Variants in RIC3 observed in about 807,000 individuals in gnomAD.
RIC3 encodes the protein protein RIC-3.
In RIC3, 28 loss-of-function variants were observed where a neutral mutation model predicts 27.3. The observed-to-expected ratio is 1.02, with a 90% CI of 0.76 to 1.41. The LOEUF (loss-of-function observed/expected upper bound fraction) is 1.41. Ranked by LOEUF, RIC3 falls within the 40% of genes most tolerant of loss-of-function variation. RIC3 has a pLI of 0.00. For missense variants in RIC3, 501 were observed against 444.7 expected, an observed-to-expected ratio of 1.13 and a Z score of -1.14; for synonymous variants, 184 against 160.4, an observed-to-expected ratio of 1.15 and a Z score of -1.11.
chr11:8,160,286 C>G (rs910595554), intron 1 of RIC3, among the ~76,000 whole-genome samples: 1 of 152,108 alleles, frequency 6.6e-6, no homozygotes, highest in African/African-American at 2.4e-5. Flanking sequence ...CAAGACTGAC[C>G]ATGTATTGAT....
At chr11:8,113,747 T>C (rs1198952570) in intron 5 of RIC3, among the ~76,000 whole-genome samples, 1 of 152,124 alleles carries the variant, frequency 6.6e-6, no homozygotes, top group Non-Finnish European at 1.5e-5. Context: ...ACCTAGGTTC[T>C]AGGCTGAGGC....
At position 8,168,998 on chromosome 11, in the gene RIC3, A is replaced by G. The variant is rs921020778; in HGVS notation, c.-9T>C. On this transcript the variant is annotated 5_prime_UTR_variant, in exon 1 of 6. Coordinates refer to ENST00000309737, the MANE Select transcript of RIC3 (RefSeq NM_001206671.4). ...ACTGTGGAGTACGCCATGACTGCTC[A>G]CGGTGGTCGCAGGTGCAGACGCCAG... 1.3e-6 allele frequency: 2 copies of G among 1,513,838 alleles called. No homozygotes were observed. Among genetic ancestry groups the G allele is most frequent in the Admixed American group, 2.1e-5 (1 of 47,202 alleles). 93.8% of individuals were successfully genotyped at this position (1,513,838 alleles called of 1,614,324 possible).
At position 8,110,616 on chromosome 11, in the gene RIC3, A is replaced by G. The variant is rs778716442; in HGVS notation, c.*82T>C. The G allele has an allele frequency of 1.1e-5, 13 of 1,226,068 alleles. No homozygotes were observed. In the Middle Eastern group the frequency reaches 1.1e-3, roughly 107 times the overall value. 75.9% of individuals were successfully genotyped at this position (1,226,068 alleles called of 1,614,324 possible). A position where few individuals can be genotyped will look rare whatever the true frequency, so the allele number is the denominator to read the frequency against. On this transcript the variant is annotated 3_prime_UTR_variant, in exon 6 of 6. Transcript: ENST00000309737. The stretch of plus-strand genomic sequence containing the variant: ...CACTTGAACACAGTGAAGAAAGTGC[A>G]GGGCACAGGGCCAAGAAGGAAATCT...
At chr11:8,126,161 C>T (rs1306076311) in intron 5 of RIC3, among the ~76,000 whole-genome samples, 1 of 152,168 alleles carries the variant, frequency 6.6e-6, no homozygotes, top group Non-Finnish European at 1.5e-5. Context: ...TTCATAGCTG[C>T]TTGAGTCATA....
intron 1 of RIC3, among the ~76,000 whole-genome samples, chr11:8,151,489 G>A (rs1017478017): frequency 1.3e-5 from 2 of 148,510 alleles, no homozygotes; most frequent in African/African-American, 5.1e-5. Context: ...GGGAGGCTGA[G>A]GCAGGAGAAT....
the RIC3 span, chr11:8,098,864 G>A: frequency 1.9e-6 from 3 of 1,613,594 alleles, no homozygotes; most frequent in Non-Finnish European, 2.5e-6. Context: ...GGAGCTGGCA[G>A]CTGTGTGCTA....
chr11:8,148,695 T>A (rs968918625), intron 1 of RIC3, among the ~76,000 whole-genome samples: 2 of 152,102 alleles, frequency 1.3e-5, no homozygotes, highest in African/African-American at 4.8e-5. Flanking sequence ...TTCTGCCATA[T>A]GCAAGAAAAG....
chr11:8,168,306 C>G (rs1289911109), intron 1 of RIC3, among the ~76,000 whole-genome samples: 2 of 152,138 alleles, frequency 1.3e-5, no homozygotes, highest in East Asian at 3.8e-4. Flanking sequence ...TTGTTCATAA[C>G]CACCTCAGTA....
rs1431033982 is a variant in RIC3 at position 8,160,913 on chromosome 11, A to G, written c.124+7953T>C. On this transcript the variant is annotated intron_variant, in intron 1 of 5. Coordinates refer to ENST00000309737, the MANE Select transcript of RIC3 (RefSeq NM_001206671.4). ...TTCCAATTCCTGGATTAATCATCTT[A>G]CACCTGTAAACCAAAAAGTATCTGG... 2.6e-5 allele frequency among the ~76,000 whole-genome samples: 4 copies of G among 152,232 alleles called. No homozygotes were observed. In the East Asian group the frequency reaches 7.7e-4, roughly 29 times the overall value.
chr11:8,115,600 G>C (rs1945764819), intron 5 of RIC3, among the ~76,000 whole-genome samples: 3 of 152,142 alleles, frequency 2.0e-5, no homozygotes, highest in African/African-American at 4.8e-5. Flanking sequence ...CTGAGGTCAG[G>C]AGTTCGAGAC....
intron 2 of RIC3, 61 bp downstream of exon 2, chr11:8,139,906 T>C (rs1321796758): frequency 1.4e-6 from 2 of 1,430,822 alleles, no homozygotes; most frequent in Non-Finnish European, 1.9e-6. Context: ...ATGTAGACAA[T>C]GATTTTTATT....
chr11:8,124,418 G>A (rs953098481), intron 5 of RIC3, among the ~76,000 whole-genome samples: 4 of 152,098 alleles, frequency 2.6e-5, no homozygotes, highest in African/African-American at 4.8e-5. Flanking sequence ...GATATAAGAC[G>A]TTCATGAACT....
intron 1 of RIC3, 147 bp downstream of exon 1, chr11:8,168,719 C>T: frequency 8.1e-7 from 1 of 1,238,144 alleles, no homozygotes; most frequent in Non-Finnish European, 1.1e-6. Context: ...GGCATTGGCC[C>T]TTCAACGCCG....
chr11:8,152,094 A>C (rs765526905), intron 1 of RIC3, among the ~76,000 whole-genome samples: 13 of 152,172 alleles, frequency 8.5e-5, no homozygotes, highest in Non-Finnish European at 1.8e-4. Flanking sequence ...GAAAAAGATA[A>C]TAGCAAGTGT....
intron 5 of RIC3, among the ~76,000 whole-genome samples, chr11:8,119,326 G>T (rs1946202900): frequency 6.6e-6 from 1 of 152,146 alleles, no homozygotes; most frequent in African/African-American, 2.4e-5. Flanking sequence ...AAAACAGCAT[G>T]GTACTGGTAC....
intron 5 of RIC3, among the ~76,000 whole-genome samples, chr11:8,119,607 G>A (rs1946230951): frequency 6.6e-6 from 1 of 152,112 alleles, no homozygotes; most frequent in Non-Finnish European, 1.5e-5. Context: ...AGAAAACCTA[G>A]GCAATACCAT....
At chr11:8,168,778 G>T in intron 1 of RIC3, 88 bp downstream of exon 1, 2 of 1,504,510 alleles carry the variant, frequency 1.3e-6, no homozygotes, top group South Asian at 1.3e-5. Flanking sequence ...GGTGAAGGCT[G>T]CAGACTCTCA....
At chr11:8,161,270 A>T (rs1010514683) in intron 1 of RIC3, among the ~76,000 whole-genome samples, 3 of 152,144 alleles carry the variant, frequency 2.0e-5, no homozygotes, top group Admixed American at 6.5e-5. Flanking sequence ...TTCTTGCACG[A>T]CTCAGCTTTC....
downstream of RIC3, chr11:8,105,328 C>T (rs565271055): frequency 1.3e-5 from 2 of 152,282 alleles, no homozygotes; most frequent in African/African-American, 4.8e-5. Flanking sequence ...AGTCAGGGCC[C>T]AGAGTTGGGA....
Sources: allele counts gnomAD v4.1 joint callset (sites outside exome capture counted in the v4.1 genomes callset), GRCh38; gene constraint gnomAD v4.1.1; transcripts MANE v1.5; gene names NCBI Gene and HGNC (gene_info 2026-07-23, HGNC 2026-07-21).